The following FRY variants were observed in gnomAD, a reference collection of about 807,000 sequenced individuals.
The protein encoded by FRY is FRY microtubule binding protein, also known as protein furry homolog.
A neutral mutation model predicts 348.4 loss-of-function variants in FRY; 128 were observed. The ratio of observed to expected loss-of-function variants is 0.37; its 90% confidence interval spans 0.32 to 0.43. The LOEUF (loss-of-function observed/expected upper bound fraction) is 0.43. FRY is among the 20% of genes least tolerant of loss of function. The pLI, the probability that FRY is intolerant of heterozygous loss-of-function variation, is 1.00. For synonymous variants in FRY, 1,370 were observed against 1,374.7 expected, an observed-to-expected ratio of 1.00 and a Z score of 0.08; for missense variants, 2,736 against 3,695.2, an observed-to-expected ratio of 0.74 and a Z score of 6.73.
intron 14 of FRY, among the ~76,000 whole-genome samples, chr13:32,152,272 C>G (rs1880843345): frequency 6.6e-6 from 1 of 151,986 alleles, no homozygotes. Context: ...CAAGCTGATT[C>G]CAAAATTTAT....
chr13:32,049,938 T>C (rs1873234091), intron 1 of FRY, among the ~76,000 whole-genome samples: 2 of 152,362 alleles, frequency 1.3e-5, no homozygotes, highest in South Asian at 4.1e-4. Context: ...AAAATTATAC[T>C]CAGCTAGACA....
intron 1 of FRY, among the ~76,000 whole-genome samples, chr13:32,072,881 A>G (rs1454754160): frequency 6.6e-6 from 1 of 152,258 alleles, no homozygotes; most frequent in African/African-American, 2.4e-5. Flanking sequence ...CCATGAACAA[A>G]GAAATCTCAT....
At chr13:32,181,816 G>A (rs545218586) in intron 23 of FRY, among the ~76,000 whole-genome samples, 2 of 151,950 alleles carry the variant, frequency 1.3e-5, no homozygotes, top group African/African-American at 4.8e-5. Context: ...ATATATAAGT[G>A]TATCTGTCTA....
intron 17 of FRY, among the ~76,000 whole-genome samples, chr13:32,169,982 T>C (rs1566108332): frequency 6.6e-6 from 1 of 152,216 alleles, no homozygotes; most frequent in Non-Finnish European, 1.5e-5. Context: ...CACAGGGACC[T>C]GTCCTGTAGG....
At chr13:32,175,011 G>A (rs112351648) in intron 19 of FRY, among the ~76,000 whole-genome samples, 5 of 151,542 alleles carry the variant, frequency 3.3e-5, no homozygotes, top group Admixed American at 2.0e-4. Context: ...ATACTCTCTC[G>A]TGCCCTTTCC....
At chr13:32,284,115 T>TCTC (rs1888940765) in intron 58 of FRY, among the ~76,000 whole-genome samples, 1 of 152,232 alleles carries the variant, frequency 6.6e-6, no homozygotes, top group Admixed American at 6.5e-5. Context: ...TGTTTCCATA[T>TCTC]GATGTATTGT....
chr13:32,135,574 A>G (rs572987226), intron 10 of FRY, among the ~76,000 whole-genome samples: 28 of 152,342 alleles, frequency 1.8e-4, no homozygotes, highest in African/African-American at 6.7e-4. Context: ...GCTAGGATCA[A>G]AATGGAAACA....
intron 1 of FRY, among the ~76,000 whole-genome samples, chr13:32,068,818 T>A (rs57422180): frequency 0.018 from 2,711 of 152,142 alleles, 70 homozygotes; most frequent in African/African-American, 0.06. Flanking sequence ...ATATCATCAA[T>A]GTATCTAGGA....
rs376502828 is a variant in FRY at position 32,294,538 on chromosome 13, C to T, written c.8751C>T (p.Leu2917=). 15 of 1,613,976 alleles carry T rather than the reference C, an allele frequency of 9.3e-6. No homozygotes were observed. Among genetic ancestry groups the T allele is most frequent in the Middle Eastern group, 1.6e-4 (1 of 6,084 alleles). Residue 2917 remains leucine (L), a synonymous_variant, in exon 60 of 61, where the codon CTC becomes CTT. Coordinates refer to ENST00000542859, the MANE Select transcript of FRY (RefSeq NM_023037.3). ...SMLECLKNNE[L]GKALRQIREC... is the part of the protein sequence containing the mutation. ...TGGAGTGCCTGAAGAACAACGAACTCGGCAAAGCTTTGCGGCAGATCAGGG... is the reference window on the plus strand; with the variant it reads ...TGGAGTGCCTGAAGAACAACGAACTTGGCAAAGCTTTGCGGCAGATCAGGG...
intron 59 of FRY, chr13:32,291,878 T>C: frequency 2.7e-6 from 1 of 364,518 alleles, no homozygotes; most frequent in East Asian, 8.5e-5. Flanking sequence ...GAATTAGAAG[T>C]AGAACCTGAA....
intron 28 of FRY, among the ~76,000 whole-genome samples, chr13:32,189,800 G>A (rs370282355): frequency 1.3e-5 from 2 of 151,908 alleles, no homozygotes; most frequent in African/African-American, 4.8e-5. Context: ...TGTGAAACCA[G>A]AATAACCTTG....
intron 55 of FRY, among the ~76,000 whole-genome samples, chr13:32,273,424 G>A (rs1197680793): frequency 8.0e-5 from 12 of 150,432 alleles, no homozygotes; most frequent in South Asian, 2.1e-4. Flanking sequence ...GGGTTTCACC[G>A]TGTTAGCCAG....
At chr13:32,113,130 C>A (rs1878076259) in intron 3 of FRY, among the ~76,000 whole-genome samples, 1 of 152,098 alleles carries the variant, frequency 6.6e-6, no homozygotes, top group African/African-American at 2.4e-5. Flanking sequence ...GATATGTGAT[C>A]AAGTATAAAT....
chr13:32,134,853 G>A (rs1593652801), intron 8 of FRY, 51 bp from the exon 9 acceptor site: 2 of 1,052,834 alleles, frequency 1.9e-6, no homozygotes, highest in Non-Finnish European at 3.0e-6. Context: ...TACATTCTAT[G>A]TGTACATTTC....
intron 31 of FRY, among the ~76,000 whole-genome samples, chr13:32,206,255 A>G (rs1194412326): frequency 6.6e-6 from 1 of 152,190 alleles, no homozygotes; most frequent in Non-Finnish European, 1.5e-5. Flanking sequence ...GGTCCGAGGA[A>G]GAGCAGAAGG....
intron 51 of FRY, among the ~76,000 whole-genome samples, chr13:32,261,023 C>T (rs1353366428): frequency 6.6e-6 from 1 of 152,236 alleles, no homozygotes; most frequent in Non-Finnish European, 1.5e-5. Flanking sequence ...TGTTGCTGCT[C>T]TGGCCTCTGC....
At chr13:32,080,759 G>C (rs1293709999) in intron 2 of FRY, among the ~76,000 whole-genome samples, 2 of 152,158 alleles carry the variant, frequency 1.3e-5, no homozygotes, top group African/African-American at 2.4e-5. Context: ...CAGAGGATGT[G>C]GGTCAGTTTA....
chr13:32,178,339 C>A lies in FRY; in HGVS notation c.2584C>A (p.Gln862Lys). 1.2e-6 allele frequency: 2 copies of A among 1,614,204 alleles called. No homozygotes were observed. Among genetic ancestry groups the A allele is most frequent in the Non-Finnish European group, 1.7e-6 (2 of 1,180,008 alleles). ...WVLCLFSFLR[Q>K]ENLPKHCPTA... Reference sequence around the variant, plus strand: ...CCTCTGCCTCTTCAGCTTCCTCCGGCAGGAGAACTTACCCAAGCACTGCCC... The same window carrying A: ...CCTCTGCCTCTTCAGCTTCCTCCGGAAGGAGAACTTACCCAAGCACTGCCC... The change falls in exon 21 of 61, where the codon CAG becomes AAG. Residue 862 changes from glutamine (Q) to lysine (K), a missense_variant. Gln to Lys is a moderately conservative substitution (Grantham distance 53). This residue lies in a region of FRY where 449 missense variants were observed against 576.9 expected (regional missense o/e 0.78). Coordinates refer to ENST00000542859, the MANE Select transcript of FRY (RefSeq NM_023037.3).
chr13:32,109,422 A>G (rs1877807815), intron 3 of FRY, among the ~76,000 whole-genome samples: 1 of 152,214 alleles, frequency 6.6e-6, no homozygotes, highest in Non-Finnish European at 1.5e-5. Flanking sequence ...AGGAACTCAG[A>G]TAAAGGAGGA....
Sources: allele counts gnomAD v4.1 joint callset (sites outside exome capture counted in the v4.1 genomes callset), GRCh38; gene constraint gnomAD v4.1.1; regional missense constraint gnomAD v4.1.1; transcripts MANE v1.5; gene names NCBI Gene and HGNC (gene_info 2026-07-23, HGNC 2026-07-21).